The following YWHAE variants were observed in gnomAD, a reference collection of about 807,000 sequenced individuals.
YWHAE encodes the protein tyrosine 3-monooxygenase/tryptophan 5-monooxygenase activation protein epsilon.
YWHAE carries 4 observed loss-of-function variants against 30.1 expected under a neutral mutation model. The observed-to-expected ratio is 0.13, with a 90% CI of 0.07 to 0.30. YWHAE has a LOEUF of 0.30. YWHAE is among the 10% of genes least tolerant of loss of function. The pLI is 1.00. For synonymous variants in YWHAE, 118 were observed against 111.8 expected (o/e 1.06, Z -0.35); for missense variants, 121 against 315.9 (o/e 0.38, Z 4.68).
chr17:1,391,319 C>A (rs893410839), intron 1 of YWHAE, among the ~76,000 whole-genome samples: 1 of 152,004 alleles, frequency 6.6e-6, no homozygotes, highest in Non-Finnish European at 1.5e-5. Context: ...CTCCTAGAGA[C>A]GTAGATCTAA....
intron 1 of YWHAE, among the ~76,000 whole-genome samples, chr17:1,374,509 C>G (rs2073094887): frequency 6.6e-6 from 1 of 152,134 alleles, no homozygotes; most frequent in African/African-American, 2.4e-5. Flanking sequence ...GGAAGGACAT[C>G]CCAAACTTTT....
chr17:1,395,675 C>A (rs1009177928), intron 1 of YWHAE, among the ~76,000 whole-genome samples: 1 of 152,198 alleles, frequency 6.6e-6, no homozygotes, highest in Non-Finnish European at 1.5e-5. Context: ...AATCTAAATA[C>A]TTCTAAACTT....
chr17:1,388,938 C>G (rs1298970605), intron 1 of YWHAE, among the ~76,000 whole-genome samples: 1 of 152,258 alleles, frequency 6.6e-6, no homozygotes, highest in Non-Finnish European at 1.5e-5. Context: ...CTATTACAAT[C>G]AAATACAAGT....
intron 1 of YWHAE, among the ~76,000 whole-genome samples, chr17:1,397,713 G>C (rs998769257): frequency 6.6e-6 from 1 of 151,898 alleles, no homozygotes; most frequent in African/African-American, 2.4e-5. Flanking sequence ...TTTGCCACCA[G>C]AAACAAAAAA....
chr17:1,361,755 A>G (rs1366547113), intron 3 of YWHAE, 147 bp downstream of exon 3: 2 of 570,240 alleles, frequency 3.5e-6, no homozygotes, highest in Admixed American at 7.4e-5. Context: ...ATAATAGCCC[A>G]ACCACCTTTT....
At chr17:1,369,430 G>A (rs1485776070) in intron 1 of YWHAE, among the ~76,000 whole-genome samples, 1 of 152,154 alleles carries the variant, frequency 6.6e-6, no homozygotes, top group Non-Finnish European at 1.5e-5. Context: ...GGAGGCGGAG[G>A]TTGCAGTGAC....
intron 5 of YWHAE, among the ~76,000 whole-genome samples, chr17:1,349,468 ACT>A (rs1318811044): frequency 1.7e-4 from 26 of 152,312 alleles, no homozygotes; most frequent in African/African-American, 5.5e-4. Context: ...TGAATTTTTC[ACT>A]GTTGAACTAT....
intron 4 of YWHAE, among the ~76,000 whole-genome samples, chr17:1,357,756 T>C (rs2072778190): frequency 6.7e-6 from 1 of 149,832 alleles, no homozygotes; most frequent in South Asian, 2.1e-4. Flanking sequence ...TGAAAACCCA[T>C]CTCTACATAA....
intron 2 of YWHAE, among the ~76,000 whole-genome samples, chr17:1,363,055 A>G (rs1471166068): frequency 2.0e-5 from 3 of 152,230 alleles, no homozygotes; most frequent in Non-Finnish European, 4.4e-5. Context: ...AGATCACACC[A>G]AGGTATGGTG....
At chr17:1,385,717 C>T (rs1598266378) in intron 1 of YWHAE, among the ~76,000 whole-genome samples, 1 of 152,292 alleles carries the variant, frequency 6.6e-6, no homozygotes, top group East Asian at 1.9e-4. Flanking sequence ...ATACTAGTTC[C>T]ATTACCTGTT....
intron 1 of YWHAE, among the ~76,000 whole-genome samples, chr17:1,370,475 G>A (rs1166766440): frequency 1.3e-5 from 2 of 151,726 alleles, no homozygotes; most frequent in Non-Finnish European, 2.9e-5. Flanking sequence ...GTCTTGCTCT[G>A]TAGCCCAGGC....
chr17:1,346,758 G>T (rs150954905), intron 5 of YWHAE, among the ~76,000 whole-genome samples: 3,823 of 151,200 alleles, frequency 0.025, 110 homozygotes, highest in African/African-American at 0.077. Context: ...AAGCAAAGGC[G>T]GGCGGATCAC....
intron 2 of YWHAE, 33 bp from the exon 3 acceptor site, chr17:1,362,041 T>G (rs2072872615): frequency 7.6e-7 from 1 of 1,315,058 alleles, no homozygotes; most frequent in African/African-American, 1.5e-5. Flanking sequence ...TAAATCAGAT[T>G]AAGTCTAGAA....
intron 4 of YWHAE, among the ~76,000 whole-genome samples, chr17:1,360,442 A>G (rs1185131232): frequency 1.3e-5 from 2 of 152,160 alleles, no homozygotes; most frequent in Admixed American, 1.3e-4. Context: ...TTGCTACGAG[A>G]GTAACTATTA....
At chr17:1,364,229 C>T (rs1598242444) in intron 2 of YWHAE, among the ~76,000 whole-genome samples, 2 of 142,890 alleles carry the variant, frequency 1.4e-5, no homozygotes, top group South Asian at 2.2e-4. Context: ...TTTTTGGGTG[C>T]TTTTTTTTTT....
chr17:1,361,671 C>A, intron 3 of YWHAE: 1 of 462,924 alleles, frequency 2.2e-6, no homozygotes, highest in Non-Finnish European at 3.8e-6. Flanking sequence ...AAATGTATGC[C>A]GTTTGGGGGA....
chr17:1,397,959 A>G (rs758703144), intron 1 of YWHAE, among the ~76,000 whole-genome samples: 6 of 152,294 alleles, frequency 3.9e-5, no homozygotes, highest in Non-Finnish European at 5.9e-5. Flanking sequence ...TCAATAACCA[A>G]TAAGGGCTCT....
intron 1 of YWHAE, among the ~76,000 whole-genome samples, chr17:1,378,076 T>C (rs1340270610): frequency 6.6e-6 from 1 of 152,206 alleles, no homozygotes; most frequent in Non-Finnish European, 1.5e-5. Context: ...ATTGTTTTTA[T>C]GGTTTGGAGG....
At chr17:1,352,342 C>A (rs1426962253) in intron 5 of YWHAE, 1 of 152,040 alleles carries the variant, frequency 6.6e-6, no homozygotes, top group Non-Finnish European at 1.5e-5. Flanking sequence ...GTACCATAAC[C>A]CAAAAGTCAC....
Sources: gnomAD v4.1 joint callset for allele counts (sites outside exome capture counted in the v4.1 genomes callset) on GRCh38, gnomAD v4.1.1 for gene constraint, MANE v1.5 for transcripts, NCBI Gene and HGNC (gene_info 2026-07-23, HGNC 2026-07-21) for gene names.